The following UBR2 variants were observed in gnomAD, a reference collection of about 807,000 sequenced individuals.
The protein encoded by UBR2 is ubiquitin protein ligase E3 component n-recognin 2.
UBR2 carries 92 observed loss-of-function variants against 247.9 expected under a neutral mutation model. The observed-to-expected ratio is 0.37, with a 90% CI of 0.31 to 0.44. UBR2 has a LOEUF of 0.44. Among genes scored for constraint, UBR2 ranks in the 20% least tolerant of loss-of-function variants. The pLI, the probability that UBR2 is intolerant of heterozygous loss-of-function variation, is 1.00. For synonymous variants in UBR2, 672 were observed against 693.5 expected (o/e 0.97, Z 0.49); for missense variants, 1,613 against 2,112.6 (o/e 0.76, Z 4.64).
At chr6:42,667,587 C>CTTTTTTTTTTTTTTTTT (rs1161068427) in intron 34 of UBR2, among the ~76,000 whole-genome samples, 6 of 47,426 alleles carry the variant, frequency 1.3e-4, no homozygotes, top group Admixed American at 4.0e-4. Flanking sequence ...ACAGTTTTGT[C>CTTTTTTTTTTTTTTTTT]TTTTTTTTTT....
intron 32 of UBR2, 108 bp downstream of exon 32, chr6:42,663,527 C>A (rs1465478005): frequency 1.7e-6 from 2 of 1,159,342 alleles, no homozygotes; most frequent in Admixed American, 3.0e-5. Flanking sequence ...ATAGTGTTTT[C>A]CAGATACTTT....
intron 13 of UBR2, among the ~76,000 whole-genome samples, chr6:42,633,667 C>T (rs1016120988): frequency 1.1e-4 from 16 of 148,416 alleles, no homozygotes; most frequent in Admixed American, 6.7e-5. Context: ...CTGGGATTAC[C>T]GGCATGAGCC....
intron 36 of UBR2, 108 bp downstream of exon 36, chr6:42,670,823 T>C (rs1442098121): frequency 1.3e-6 from 1 of 798,378 alleles, no homozygotes; most frequent in East Asian, 2.8e-5. Context: ...TTCACTTCTT[T>C]CGTAGTAAAA....
intron 11 of UBR2, among the ~76,000 whole-genome samples, chr6:42,623,529 A>G (rs1345370850): frequency 1.3e-5 from 2 of 151,904 alleles, no homozygotes; most frequent in Non-Finnish European, 2.9e-5. Flanking sequence ...TCAGCTCACT[A>G]CAACCTCCGC....
At position 42,692,426 on chromosome 6, in the gene UBR2, C is replaced by T. The variant is rs1799794599; in HGVS notation, c.*1253C>T. ...TGAGGTGCCTTCCTAGAACAAGAGC[C>T]ACTTACAAAATAGCTTATAATTATT... is the stretch of plus-strand genomic sequence containing the variant. On this transcript the variant is annotated 3_prime_UTR_variant, in exon 47 of 47. Coordinates refer to ENST00000372901, the MANE Select transcript of UBR2 (RefSeq NM_001363705.2). 1 of 152,112 alleles carries T rather than the reference C, an allele frequency of 6.6e-6. No homozygotes were observed. 9.4% of individuals were successfully genotyped at this position (152,112 alleles called of 1,614,324 possible).
At chr6:42,591,747 G>T (rs1792677847) in intron 2 of UBR2, among the ~76,000 whole-genome samples, 2 of 151,956 alleles carry the variant, frequency 1.3e-5, no homozygotes, top group Admixed American at 6.6e-5. Context: ...GAAGACCCTT[G>T]GTCTCAAATA....
At chr6:42,680,945 C>T (rs1164322824) in intron 42 of UBR2, among the ~76,000 whole-genome samples, 1 of 151,980 alleles carries the variant, frequency 6.6e-6, no homozygotes, top group Non-Finnish European at 1.5e-5. Context: ...GGGCGGATCA[C>T]GAGGTCAGGA....
chr6:42,680,261 C>T (rs1288460592), intron 42 of UBR2, among the ~76,000 whole-genome samples: 1 of 152,214 alleles, frequency 6.6e-6, no homozygotes, highest in Non-Finnish European at 1.5e-5. Context: ...GCTGGGATTA[C>T]AGGTGTGAGC....
chr6:42,584,823 T>C (rs1213294524), intron 2 of UBR2, among the ~76,000 whole-genome samples: 1 of 152,076 alleles, frequency 6.6e-6, no homozygotes, highest in Non-Finnish European at 1.5e-5. Context: ...GAAATACAGC[T>C]GGTTTCTGAT....
intron 44 of UBR2, among the ~76,000 whole-genome samples, chr6:42,687,015 G>A (rs1799457258): frequency 6.6e-6 from 1 of 152,056 alleles, no homozygotes; most frequent in East Asian, 1.9e-4. Context: ...TGACGGCCAG[G>A]AAGAGGGGCT....
intron 4 of UBR2, among the ~76,000 whole-genome samples, chr6:42,601,006 C>T (rs570691084): frequency 1.6e-4 from 25 of 152,274 alleles, no homozygotes; most frequent in African/African-American, 6.0e-4. Context: ...ACATCTCTAC[C>T]ATGCCCTGGG....
chr6:42,644,720 G>C (rs1796655241), intron 20 of UBR2, among the ~76,000 whole-genome samples, 184 bp downstream of exon 20: 1 of 152,052 alleles, frequency 6.6e-6, no homozygotes, highest in African/African-American at 2.4e-5. Flanking sequence ...ATAGCACCGT[G>C]GTGCTTTGGA....
chr6:42,675,356 A>T (rs1303689036), intron 38 of UBR2, among the ~76,000 whole-genome samples: 1 of 152,114 alleles, frequency 6.6e-6, no homozygotes, highest in African/African-American at 2.4e-5. Context: ...CTGATCAGAG[A>T]TATTAATTTG....
At chr6:42,677,734 G>A (rs1798796496) in intron 40 of UBR2, among the ~76,000 whole-genome samples, 1 of 152,136 alleles carries the variant, frequency 6.6e-6, no homozygotes, top group African/African-American at 2.4e-5. Flanking sequence ...TCACACCACT[G>A]CACTCCAGAC....
chr6:42,592,031 T>C (rs780334368), intron 2 of UBR2, 120 bp from the exon 3 acceptor site: 8 of 986,624 alleles, frequency 8.1e-6, no homozygotes, highest in Non-Finnish European at 1.2e-5. Flanking sequence ...CTTCCTTTTT[T>C]AAAACACCAA....
intron 38 of UBR2, 68 bp downstream of exon 38, chr6:42,674,261 C>T (rs1485630689): frequency 2.1e-6 from 3 of 1,454,506 alleles, no homozygotes; most frequent in Non-Finnish European, 2.9e-6. Flanking sequence ...GTTTGGTGAG[C>T]AGTGTAGTGG....
At chr6:42,651,509 T>G (rs1797110821) in intron 23 of UBR2, among the ~76,000 whole-genome samples, 1 of 151,952 alleles carries the variant, frequency 6.6e-6, no homozygotes, top group Non-Finnish European at 1.5e-5. Context: ...TATTTTTTAT[T>G]TTTTTTGAGA....
At chr6:42,625,908 G>T (rs922816601) in intron 11 of UBR2, among the ~76,000 whole-genome samples, 5 of 151,152 alleles carry the variant, frequency 3.3e-5, no homozygotes. Context: ...CCGCCTCCCG[G>T]GTTCACGCCA....
chr6:42,661,032 G>A (rs567133947), intron 30 of UBR2, among the ~76,000 whole-genome samples: 4 of 150,048 alleles, frequency 2.7e-5, no homozygotes, highest in Admixed American at 1.3e-4. Flanking sequence ...AGTGGCTCAT[G>A]TCTGTAATCC....
Sources: gnomAD v4.1 joint callset for allele counts (sites outside exome capture counted in the v4.1 genomes callset) on GRCh38, gnomAD v4.1.1 for gene constraint, MANE v1.5 for transcripts, NCBI Gene and HGNC (gene_info 2026-07-23, HGNC 2026-07-21) for gene names.